The following NCKAP5 variants were observed in gnomAD, a reference collection of about 807,000 sequenced individuals.
NCKAP5 encodes nck-associated protein 5.
Under a neutral mutation model 167.0 loss-of-function variants are expected in NCKAP5, and 92 were observed. The ratio of observed to expected loss-of-function variants is 0.55; its 90% confidence interval spans 0.47 to 0.66. The LOEUF (loss-of-function observed/expected upper bound fraction) is 0.66, where lower values mean the gene tolerates loss of function less well. Among genes scored for constraint, NCKAP5 ranks in the 30% least tolerant of loss-of-function variants. NCKAP5 has a pLI of 0.00. For synonymous variants in NCKAP5, 891 were observed against 877.4 expected (o/e 1.02, Z -0.27); for missense variants, 2,378 against 2,315.0 (o/e 1.03, Z -0.56).
intron 3 of NCKAP5, among the ~76,000 whole-genome samples, chr2:133,318,095 C>T (rs1681743289): frequency 1.3e-5 from 2 of 152,192 alleles, no homozygotes; most frequent in East Asian, 1.9e-4. Flanking sequence ...TTCAACTTTA[C>T]CTCCAGAGAC....
intron 11 of NCKAP5, among the ~76,000 whole-genome samples, chr2:132,809,527 T>C (rs112480595): frequency 1.9e-5 from 1 of 53,980 alleles, no homozygotes; most frequent in Admixed American, 2.1e-4. Context: ...ATGTCTCTCT[T>C]TGTCTCTTTT....
At chr2:132,865,618 AC>A (rs1227005667) in intron 10 of NCKAP5, among the ~76,000 whole-genome samples, 6 of 152,158 alleles carry the variant, frequency 3.9e-5, no homozygotes, top group African/African-American at 1.4e-4. Flanking sequence ...TGTGATCATA[AC>A]CAGCCGTTGG....
At position 132,853,932 on chromosome 2, in the gene NCKAP5, C is replaced by T. The variant is rs138748711; in HGVS notation, c.807+6560G>A. On this transcript the variant is annotated intron_variant, in intron 11 of 19. Coordinates refer to ENST00000409261, the MANE Select transcript of NCKAP5 (RefSeq NM_207363.3). ...AATACACAGCACCCTAAGCACTGCT[C>T]TCACTCCCTTCTGCTCTTCCCTCCC... Among the ~76,000 whole-genome samples, 342 of 152,318 alleles carry T rather than the reference C, an allele frequency of 2.2e-3. 2 individuals are homozygous for T. The highest frequency in any genetic ancestry group is 7.9e-3 in the African/African-American group (330 of 41,574).
At chr2:133,593,432 A>T in the NCKAP5 span, among the ~76,000 whole-genome samples, 3 of 151,978 alleles carry the variant, frequency 2.0e-5, no homozygotes, top group East Asian at 3.8e-4. Context: ...TCATTACTGC[A>T]CACACACACA....
intron 6 of NCKAP5, among the ~76,000 whole-genome samples, chr2:133,027,242 C>T (rs2078729086): frequency 6.6e-6 from 1 of 152,142 alleles, no homozygotes; most frequent in Admixed American, 6.5e-5. Flanking sequence ...TACACATCAC[C>T]CCAGCATGTA....
chr2:132,739,472 C>A (rs1691819767), intron 16 of NCKAP5, among the ~76,000 whole-genome samples: 2 of 152,090 alleles, frequency 1.3e-5, no homozygotes, highest in African/African-American at 2.4e-5. Context: ...ACAACAAGGG[C>A]TTTTTAGAAC....
At chr2:133,430,931 A>G (rs1419407632) in intron 3 of NCKAP5, among the ~76,000 whole-genome samples, 1 of 152,028 alleles carries the variant, frequency 6.6e-6, no homozygotes, top group African/African-American at 2.4e-5. Context: ...AAATTGTTAA[A>G]TTGATATCAT....
At chr2:133,212,833 T>G (rs1291450979) in intron 5 of NCKAP5, among the ~76,000 whole-genome samples, 4 of 152,222 alleles carry the variant, frequency 2.6e-5, no homozygotes, top group Admixed American at 6.5e-5. Context: ...GCCCTTTGAT[T>G]TCCCTGTTGA....
chr2:132,891,858 C>T (rs544114385), intron 8 of NCKAP5, among the ~76,000 whole-genome samples: 34 of 152,252 alleles, frequency 2.2e-4, no homozygotes, highest in Non-Finnish European at 3.1e-4. Context: ...TGGGAAGTGA[C>T]GGCGTGCTTT....
At chr2:132,767,412 A>G (rs1254812879) in intron 16 of NCKAP5, among the ~76,000 whole-genome samples, 1 of 151,980 alleles carries the variant, frequency 6.6e-6, no homozygotes, top group East Asian at 1.9e-4. Flanking sequence ...ACGCCTGGCT[A>G]ATTTTGTATT....
At chr2:133,534,589 A>G (rs1027740009) in intron 2 of NCKAP5, among the ~76,000 whole-genome samples, 2 of 152,198 alleles carry the variant, frequency 1.3e-5, no homozygotes, top group Admixed American at 6.5e-5. Context: ...AATCATGATA[A>G]GTAATCTTTG....
intron 6 of NCKAP5, chr2:133,122,922 A>G (rs1411102607): frequency 1.3e-5 from 2 of 152,234 alleles, no homozygotes; most frequent in African/African-American, 4.8e-5. Flanking sequence ...CTATAATGCA[A>G]TTGAATTTAC....
chr2:132,750,189 G>A (rs1445434650), intron 16 of NCKAP5, among the ~76,000 whole-genome samples: 1 of 152,154 alleles, frequency 6.6e-6, no homozygotes, highest in African/African-American at 2.4e-5. Context: ...CTCTGACCCT[G>A]CATTTTAAGT....
At chr2:133,088,330 C>T (rs1171701592) in intron 6 of NCKAP5, among the ~76,000 whole-genome samples, 1 of 152,150 alleles carries the variant, frequency 6.6e-6, no homozygotes, top group African/African-American at 2.4e-5. Context: ...AGTTGGTCCT[C>T]ATTCTCCCAC....
intron 4 of NCKAP5, among the ~76,000 whole-genome samples, chr2:133,233,261 C>T (rs993901142): frequency 1.3e-5 from 2 of 152,176 alleles, no homozygotes; most frequent in Admixed American, 6.5e-5. Context: ...AGAAATCACA[C>T]ACTCACAGAT....
intron 4 of NCKAP5, among the ~76,000 whole-genome samples, chr2:133,224,262 T>C (rs2086786635): frequency 6.6e-6 from 1 of 152,180 alleles, no homozygotes; most frequent in South Asian, 2.1e-4. Flanking sequence ...GGGAGGTAAG[T>C]CCCTAGAAGG....
intron 19 of NCKAP5, among the ~76,000 whole-genome samples, chr2:132,696,332 G>A (rs1289587745): frequency 6.6e-6 from 1 of 152,188 alleles, no homozygotes; most frequent in African/African-American, 2.4e-5. Flanking sequence ...TTCAATTTTT[G>A]TGAGCAGTTA....
At chr2:133,638,480 A>T in the NCKAP5 span, among the ~76,000 whole-genome samples, 1 of 152,226 alleles carries the variant, frequency 6.6e-6, no homozygotes, top group Non-Finnish European at 1.5e-5. Context: ...GTAATGAAGA[A>T]TACATAAACT....
chr2:133,428,877 G>T (rs1167661621), intron 3 of NCKAP5, among the ~76,000 whole-genome samples: 1 of 152,122 alleles, frequency 6.6e-6, no homozygotes, highest in African/African-American at 2.4e-5. Flanking sequence ...GTATCTAAAT[G>T]TTATTAAAAG....
Sources: allele counts gnomAD v4.1 joint callset (sites outside exome capture counted in the v4.1 genomes callset), GRCh38; gene constraint gnomAD v4.1.1; transcripts MANE v1.5; gene names NCBI Gene and HGNC (gene_info 2026-07-23, HGNC 2026-07-21).